Variants in WWOX observed in about 807,000 individuals in gnomAD.
WWOX encodes the protein WW domain-containing oxidoreductase.
Under a neutral mutation model 46.2 loss-of-function variants are expected in WWOX, and 69 were observed. The observed-to-expected ratio is 1.49, with a 90% CI of 1.23 to 1.82. WWOX has a LOEUF of 1.82. Among genes scored for constraint, WWOX ranks in the 40% most tolerant of loss-of-function variants. The probability of loss-of-function intolerance (pLI) is 0.00; values close to 1 mark genes in which losing one functional copy is unlikely to be tolerated. For missense variants in WWOX, 919 were observed against 542.6 expected (o/e 1.69, Z -6.89); for synonymous variants, 359 against 202.6 (o/e 1.77, Z -6.56).
At position 78,702,514 on chromosome 16, in the gene WWOX, A is replaced by G. The variant is rs2048246031; in HGVS notation, c.1056+269762A>G. ...AAAAATACAAAAATTAGCCAGGCAC[A>G]GTGGCTCATGTCTGTAATCCCAAAT... is the stretch of plus-strand genomic sequence containing the variant. On this transcript the variant is annotated intron_variant, in intron 8 of 8. Coordinates refer to ENST00000566780, the MANE Select transcript of WWOX (RefSeq NM_016373.4). 2.0e-5 allele frequency among the ~76,000 whole-genome samples: 3 copies of G among 151,916 alleles called. No individual in the cohort carries two copies. In the South Asian group the frequency reaches 6.2e-4, roughly 32 times the overall value.
chr16:78,213,403 C>G (rs991543470), intron 5 of WWOX, among the ~76,000 whole-genome samples: 2 of 151,782 alleles, frequency 1.3e-5, no homozygotes, highest in African/African-American at 2.4e-5. Flanking sequence ...CTTCTCCCCA[C>G]AATCCATTGG....
chr16:78,392,587 A>G (rs887121745), intron 6 of WWOX, among the ~76,000 whole-genome samples: 1 of 152,130 alleles, frequency 6.6e-6, no homozygotes, highest in African/African-American at 2.4e-5. Flanking sequence ...AAAAATTTGG[A>G]AACCTCTGCT....
At chr16:78,681,947 T>C (rs1370409853) in intron 8 of WWOX, among the ~76,000 whole-genome samples, 1 of 152,172 alleles carries the variant, frequency 6.6e-6, no homozygotes, top group East Asian at 1.9e-4. Context: ...TCTGCTTTTC[T>C]AGCAAGCGCC....
intron 8 of WWOX, among the ~76,000 whole-genome samples, chr16:78,863,821 CTA>C (rs990396053): frequency 1.3e-5 from 2 of 152,206 alleles, no homozygotes; most frequent in African/African-American, 4.8e-5. Flanking sequence ...TCTCAAAAAA[CTA>C]TGTCCACATC....
chr16:78,638,080 A>T (rs115836653), intron 8 of WWOX, among the ~76,000 whole-genome samples: 2,153 of 152,236 alleles, frequency 0.014, 44 homozygotes, highest in African/African-American at 0.05. Context: ...GCTTTCCCCA[A>T]TCCAAGCTAA....
chr16:78,591,852 C>G (rs964903125), intron 8 of WWOX, among the ~76,000 whole-genome samples: 2 of 152,180 alleles, frequency 1.3e-5, no homozygotes, highest in African/African-American at 4.8e-5. Flanking sequence ...AAAAGGTACT[C>G]AGTGCAGCCT....
At chr16:78,370,883 C>T (rs1183295371) in intron 5 of WWOX, among the ~76,000 whole-genome samples, 1 of 149,450 alleles carries the variant, frequency 6.7e-6, no homozygotes, top group Non-Finnish European at 1.5e-5. Flanking sequence ...CATTGAGATG[C>T]ATACAAAATG....
intron 8 of WWOX, among the ~76,000 whole-genome samples, chr16:78,450,620 CTT>C (rs561399844): frequency 6.6e-6 from 1 of 152,096 alleles, no homozygotes; most frequent in African/African-American, 2.4e-5. Context: ...GGAACTTAAA[CTT>C]TTTTTGATAT....
chr16:78,140,670 TCTC>T (rs1243058215), intron 4 of WWOX, among the ~76,000 whole-genome samples: 1 of 152,136 alleles, frequency 6.6e-6, no homozygotes, highest in African/African-American at 2.4e-5. Context: ...TGTTTTCTGA[TCTC>T]CTCTTCTTCT....
At chr16:79,175,764 C>T (rs927582581) in intron 8 of WWOX, among the ~76,000 whole-genome samples, 18 of 152,310 alleles carry the variant, frequency 1.2e-4, no homozygotes, top group Admixed American at 6.5e-5. Context: ...ATACGACTTA[C>T]ACATTCCCAT....
chr16:79,189,957 A>C (rs970674843), intron 8 of WWOX, among the ~76,000 whole-genome samples: 12 of 151,964 alleles, frequency 7.9e-5, no homozygotes, highest in African/African-American at 2.9e-4. Flanking sequence ...AAAGATATTA[A>C]TTTGGAAGCA....
chr16:78,336,420 C>G (rs759722437), intron 5 of WWOX, among the ~76,000 whole-genome samples: 2 of 147,816 alleles, frequency 1.4e-5, no homozygotes, highest in Non-Finnish European at 3.0e-5. Context: ...GCAGGAGAAT[C>G]TCTTGAATCC....
chr16:78,938,007 T>TA (rs960655065), intron 8 of WWOX, among the ~76,000 whole-genome samples: 2 of 152,180 alleles, frequency 1.3e-5, no homozygotes, highest in African/African-American at 4.8e-5. Flanking sequence ...AGTCCTTGCC[T>TA]AAGGTATTGC....
intron 5 of WWOX, among the ~76,000 whole-genome samples, chr16:78,238,845 C>T (rs985122627): frequency 3.3e-5 from 5 of 150,504 alleles, no homozygotes; most frequent in Admixed American, 2.0e-4. Flanking sequence ...TCTCGAACTC[C>T]GGACCTCAGG....
At chr16:78,454,229 G>A (rs1219238497) in intron 8 of WWOX, among the ~76,000 whole-genome samples, 1 of 152,108 alleles carries the variant, frequency 6.6e-6, no homozygotes, top group Non-Finnish European at 1.5e-5. Context: ...GTAGGCTGTA[G>A]CAGGACAAAT....
intron 5 of WWOX, among the ~76,000 whole-genome samples, chr16:78,384,203 C>T (rs1048390265): frequency 7.2e-5 from 11 of 152,082 alleles, no homozygotes; most frequent in Admixed American, 2.6e-4. Flanking sequence ...TCTTTACCAC[C>T]CCCTCCACAG....
Position 78,598,445 on chromosome 16 carries a change from C to G in WWOX, c.1056+165693C>G, listed in dbSNP as rs557406894. ...TTATTAACTTCTTCCTCTTTCCCCC[C>G]GCCCTGGCCCCTGTGCATTTTGGTT... is the stretch of plus-strand genomic sequence containing the variant. On this transcript the variant is annotated intron_variant, in intron 8 of 8. Coordinates refer to ENST00000566780, the MANE Select transcript of WWOX (RefSeq NM_016373.4). 3.3e-5 allele frequency among the ~76,000 whole-genome samples: 5 copies of G among 152,138 alleles called. No homozygotes were observed. The East Asian group carries it at 5.8e-4, about 18-fold the overall frequency.
rs760099711 is a variant in WWOX, at chr16:78,325,536, C to T, written c.517-61324C>T. Among the ~76,000 whole-genome samples the T allele has an allele frequency of 3.0e-4, 46 of 152,116 alleles. No homozygotes were observed. In the Middle Eastern group the frequency reaches 0.017, roughly 56 times the overall value. On this transcript the variant is annotated intron_variant, in intron 5 of 8. Coordinates refer to ENST00000566780, the MANE Select transcript of WWOX (RefSeq NM_016373.4). ...AAGTTACCACCGTGATGGAGAGGTG[C>T]GATTTCCCTCCACATAATCTTCAGT...
At chr16:78,962,130 A>T (rs1299146726) in intron 8 of WWOX, among the ~76,000 whole-genome samples, 1 of 152,018 alleles carries the variant, frequency 6.6e-6, no homozygotes, top group Non-Finnish European at 1.5e-5. Flanking sequence ...GAGGCTTGCC[A>T]TCTGAACAGG....
Sources: allele counts gnomAD v4.1 joint callset (sites outside exome capture counted in the v4.1 genomes callset), GRCh38; gene constraint gnomAD v4.1.1; transcripts MANE v1.5; gene names NCBI Gene and HGNC (gene_info 2026-07-23, HGNC 2026-07-21).